The following RBM47 variants were observed in gnomAD, a reference collection of about 807,000 sequenced individuals.
RBM47 encodes RNA binding motif protein 47, also known as RNA-binding protein 47.
RBM47 carries 21 observed loss-of-function variants against 47.1 expected under a neutral mutation model. The observed-to-expected ratio is 0.45, with a 90% confidence interval of 0.32 to 0.64. RBM47 has a LOEUF of 0.64. Ranked by LOEUF, RBM47 falls within the 30% of genes least tolerant of loss-of-function variation. The pLI, the probability that RBM47 is intolerant of heterozygous loss-of-function variation, is 0.05. For synonymous variants in RBM47, 375 were observed against 361.7 expected (o/e 1.04, Z -0.42); for missense variants, 708 against 870.9 (o/e 0.81, Z 2.35).
chr4:40,446,604 G>A (rs895914203), intron 3 of RBM47, among the ~76,000 whole-genome samples: 7 of 151,836 alleles, frequency 4.6e-5, no homozygotes, highest in African/African-American at 1.5e-4. Context: ...TGGGTGTTGT[G>A]GCGTAACACC....
In RBM47 at chr4:40,458,580, T is replaced by C. The variant is rs17586947; in HGVS notation, c.-32+7997A>G. On this transcript the variant is annotated intron_variant, in intron 3 of 6. Coordinates refer to ENST00000295971, the MANE Select transcript of RBM47 (RefSeq NM_001098634.2). ...TCAAAATCAACTATATTTATGACAA[T>C]ATGACCATAGTAGGCTGTTTATGAG... Among the ~76,000 whole-genome samples, 106 of 152,344 alleles carry C rather than the reference T, an allele frequency of 7.0e-4. 1 individual carries two copies. The East Asian group carries it at 0.016, about 23-fold the overall frequency.
At chr4:40,528,860 G>A (rs952742949) in intron 2 of RBM47, among the ~76,000 whole-genome samples, 4 of 150,952 alleles carry the variant, frequency 2.6e-5, no homozygotes, top group South Asian at 2.1e-4. Flanking sequence ...GGAGAATGGC[G>A]TGAACCCGGG....
At chr4:40,484,857 C>G (rs1344476260) in intron 2 of RBM47, among the ~76,000 whole-genome samples, 1 of 152,158 alleles carries the variant, frequency 6.6e-6, no homozygotes, top group Non-Finnish European at 1.5e-5. Flanking sequence ...TTCTTCTTTT[C>G]TAGATATTTG....
intron 1 of RBM47, among the ~76,000 whole-genome samples, chr4:40,560,628 T>C (rs1273303145): frequency 6.6e-6 from 1 of 152,206 alleles, no homozygotes; most frequent in African/African-American, 2.4e-5. Flanking sequence ...TTTTGTATGA[T>C]GCAGCCATCT....
chr4:40,473,296 A>C (rs994503370), intron 2 of RBM47, among the ~76,000 whole-genome samples: 11 of 152,156 alleles, frequency 7.2e-5, no homozygotes, highest in African/African-American at 1.2e-4. Flanking sequence ...CCCATTTGTT[A>C]AGGTCCCTTA....
intron 2 of RBM47, among the ~76,000 whole-genome samples, chr4:40,495,699 G>C (rs1490090177): frequency 6.6e-6 from 1 of 152,132 alleles, no homozygotes; most frequent in Admixed American, 6.5e-5. Flanking sequence ...ACAGAAGAGT[G>C]GTGCTAATCT....
intron 2 of RBM47, among the ~76,000 whole-genome samples, chr4:40,503,974 G>A (rs1446573254): frequency 4.6e-5 from 7 of 151,940 alleles, no homozygotes; most frequent in African/African-American, 1.7e-4. Flanking sequence ...GGAGTTCAAG[G>A]CCAGCCTGGG....
intron 3 of RBM47, 61 bp from the exon 4 acceptor site, chr4:40,438,985 G>T: frequency 1.4e-6 from 2 of 1,383,810 alleles, no homozygotes; most frequent in Non-Finnish European, 9.5e-7. Context: ...TTTGGGTTGT[G>T]TTTCGCAGCC....
At chr4:40,484,573 C>T (rs1248193587) in intron 2 of RBM47, among the ~76,000 whole-genome samples, 2 of 152,164 alleles carry the variant, frequency 1.3e-5, no homozygotes, top group Non-Finnish European at 2.9e-5. Flanking sequence ...CTTGGTCATC[C>T]ATAACATTGC....
At chr4:40,621,910 T>C (rs111753540) in intron 1 of RBM47, among the ~76,000 whole-genome samples, 1,582 of 152,290 alleles carry the variant, frequency 0.01, 28 homozygotes, top group African/African-American at 0.036. Flanking sequence ...ATCAAGGACT[T>C]GTGGTGGCAG....
At chr4:40,520,050 C>A (rs1392344455) in intron 2 of RBM47, among the ~76,000 whole-genome samples, 1 of 151,962 alleles carries the variant, frequency 6.6e-6, no homozygotes, top group Admixed American at 6.6e-5. Flanking sequence ...CATATTGAAG[C>A]CCTCCTTTGA....
chr4:40,549,255 C>T (rs557200998), intron 1 of RBM47, among the ~76,000 whole-genome samples: 79 of 151,588 alleles, frequency 5.2e-4, no homozygotes, highest in Non-Finnish European at 8.7e-4. Flanking sequence ...CCGTGCCCAG[C>T]TAATTTTTGT....
intron 1 of RBM47, among the ~76,000 whole-genome samples, chr4:40,605,304 C>T (rs1052592842): frequency 6.6e-6 from 1 of 151,942 alleles, no homozygotes; most frequent in Non-Finnish European, 1.5e-5. Flanking sequence ...GGATTACAGG[C>T]GTGAACCACT....
chr4:40,509,970 T>G (rs1395888495), intron 2 of RBM47, among the ~76,000 whole-genome samples: 1 of 151,802 alleles, frequency 6.6e-6, no homozygotes, highest in African/African-American at 2.4e-5. Context: ...GGTGGGTCAC[T>G]TGAGGTCAGG....
chr4:40,617,734 TA>T (rs1736882313), intron 1 of RBM47, among the ~76,000 whole-genome samples: 2 of 151,212 alleles, frequency 1.3e-5, no homozygotes, highest in Admixed American at 1.3e-4. Flanking sequence ...TATATATGAT[TA>T]ATTTGAGTTA....
intron 1 of RBM47, among the ~76,000 whole-genome samples, chr4:40,569,759 G>C (rs1262250018): frequency 6.7e-6 from 1 of 148,340 alleles, no homozygotes; most frequent in Non-Finnish European, 1.5e-5. Flanking sequence ...CGCCCAGGTT[G>C]GAGTGCAGTG....
intron 1 of RBM47, among the ~76,000 whole-genome samples, chr4:40,565,024 G>A (rs1730969306): frequency 6.6e-6 from 1 of 152,144 alleles, no homozygotes; most frequent in Non-Finnish European, 1.5e-5. Flanking sequence ...ACTGAGCAGG[G>A]CCTAAGGAAA....
intron 1 of RBM47, among the ~76,000 whole-genome samples, chr4:40,622,473 G>A (rs1293490837): frequency 2.6e-5 from 4 of 152,202 alleles, no homozygotes; most frequent in Admixed American, 6.5e-5. Context: ...GGTAGCAGGC[G>A]AGGTTAAAGA....
chr4:40,443,717 C>CAAAAAAAAAAAAAAAAAAAAA (rs10581870), intron 3 of RBM47, among the ~76,000 whole-genome samples: 4 of 47,720 alleles, frequency 8.4e-5, no homozygotes, highest in African/African-American at 3.3e-4. Context: ...AACTCCTTCT[C>CAAAAAAAAAAAAAAAAAAAAA]AAAAAAAAAA....
Sources: allele counts gnomAD v4.1 joint callset (sites outside exome capture counted in the v4.1 genomes callset), GRCh38; gene constraint gnomAD v4.1.1; transcripts MANE v1.5; gene names NCBI Gene and HGNC (gene_info 2026-07-23, HGNC 2026-07-21).